CDH13: variants seen among roughly 807,000 people sequenced by gnomAD.
CDH13 encodes the protein cadherin-13.
CDH13 carries 24 observed loss-of-function variants against 63.8 expected under a neutral mutation model. That is an observed-to-expected ratio of 0.38 (90% confidence interval 0.27 to 0.53). The LOEUF (loss-of-function observed/expected upper bound fraction) is 0.53. Among genes scored for constraint, CDH13 ranks in the 20% least tolerant of loss-of-function variants. The probability of loss-of-function intolerance (pLI) is 0.85; values close to 1 mark genes in which losing one functional copy is unlikely to be tolerated. For missense variants in CDH13, 1,049 were observed against 903.1 expected, an observed-to-expected ratio of 1.16 and a Z score of -2.07; for synonymous variants, 503 against 355.3, an observed-to-expected ratio of 1.42 and a Z score of -4.67.
intron 10 of CDH13, among the ~76,000 whole-genome samples, chr16:83,730,289 C>A (rs117178900): frequency 0.04 from 6,136 of 152,314 alleles, 182 homozygotes; most frequent in Non-Finnish European, 0.059. Context: ...ATTAAAGGCT[C>A]TGAGAATTCT....
chr16:83,130,412 C>A, intron 4 of CDH13, among the ~76,000 whole-genome samples: 1 of 152,210 alleles, frequency 6.6e-6, no homozygotes, highest in East Asian at 1.9e-4. Context: ...TCTGAGAATA[C>A]TCTTCCGTGG....
chr16:82,933,909 C>T (rs983348768), intron 2 of CDH13, among the ~76,000 whole-genome samples: 14 of 152,206 alleles, frequency 9.2e-5, no homozygotes, highest in Admixed American at 9.2e-4. Context: ...GCAGCTTTGT[C>T]CCTGTGGCTT....
intron 1 of CDH13, among the ~76,000 whole-genome samples, chr16:82,749,542 A>C (rs764021136): frequency 1.7e-4 from 26 of 152,148 alleles, no homozygotes; most frequent in Non-Finnish European, 3.2e-4. Context: ...AGATACAAAA[A>C]CTCAATGTAA....
At chr16:83,792,739 G>A (rs1916357320) in intron 13 of CDH13, among the ~76,000 whole-genome samples, 1 of 151,652 alleles carries the variant, frequency 6.6e-6, no homozygotes, top group Admixed American at 6.6e-5. Context: ...CTACCACCCT[G>A]ACAACATCAA....
chr16:83,155,824 A>G (rs1230478312), intron 4 of CDH13, among the ~76,000 whole-genome samples: 1 of 152,202 alleles, frequency 6.6e-6, no homozygotes, highest in African/African-American at 2.4e-5. Context: ...TAAACACACA[A>G]TGCCACAAAC....
intron 1 of CDH13, among the ~76,000 whole-genome samples, chr16:82,762,043 T>A (rs1341097230): frequency 2.0e-5 from 3 of 152,130 alleles, no homozygotes; most frequent in Non-Finnish European, 4.4e-5. Flanking sequence ...ACAGACTGTG[T>A]CAAGTGGAGC....
At chr16:82,952,857 C>A (rs923942717) in intron 2 of CDH13, among the ~76,000 whole-genome samples, 1 of 152,158 alleles carries the variant, frequency 6.6e-6, no homozygotes, top group African/African-American at 2.4e-5. Context: ...ACCTCTGATT[C>A]CTCACTAGTG....
intron 6 of CDH13, among the ~76,000 whole-genome samples, chr16:83,449,954 C>A (rs970240289): frequency 4.6e-5 from 7 of 152,126 alleles, no homozygotes; most frequent in Non-Finnish European, 1.5e-5. Context: ...AGAAAAAGAG[C>A]ATTTGATGAC....
At chr16:83,591,794 C>G (rs1271012944) in intron 7 of CDH13, among the ~76,000 whole-genome samples, 1 of 152,222 alleles carries the variant, frequency 6.6e-6, no homozygotes, top group Non-Finnish European at 1.5e-5. Context: ...TCACCCAAGC[C>G]GTGGCTTCCT....
intron 3 of CDH13, among the ~76,000 whole-genome samples, chr16:83,043,487 ATGAGTGTGTGTGTG>A (rs549985983): frequency 0.04 from 5,267 of 133,334 alleles, 130 homozygotes; most frequent in Middle Eastern, 0.064. Context: ...AACTGTATAT[ATGAGTGTGTGTGTG>A]TGTGTGTGTG....
intron 10 of CDH13, among the ~76,000 whole-genome samples, chr16:83,707,677 T>C (rs1468134060): frequency 6.6e-6 from 1 of 151,976 alleles, no homozygotes; most frequent in Non-Finnish European, 1.5e-5. Flanking sequence ...ATCATATCCC[T>C]GACATGCCGC....
intron 4 of CDH13, among the ~76,000 whole-genome samples, chr16:83,156,184 A>G (rs1303499422): frequency 6.6e-6 from 1 of 152,220 alleles, no homozygotes; most frequent in Non-Finnish European, 1.5e-5. Flanking sequence ...ATTAAAGAAT[A>G]ACCAAACTCC....
intron 5 of CDH13, among the ~76,000 whole-genome samples, chr16:83,311,366 T>A (rs2089996651): frequency 6.6e-6 from 1 of 152,256 alleles, no homozygotes; most frequent in Admixed American, 6.5e-5. Context: ...GTTATATTTT[T>A]GTGTATACCA....
At chr16:83,540,687 A>G (rs1317431293) in intron 7 of CDH13, among the ~76,000 whole-genome samples, 1 of 152,186 alleles carries the variant, frequency 6.6e-6, no homozygotes, top group African/African-American at 2.4e-5. Flanking sequence ...TGTTGTCATG[A>G]TGGTCTCAAG....
chr16:82,894,139 A>G (rs1437967461), intron 2 of CDH13, among the ~76,000 whole-genome samples: 3 of 152,198 alleles, frequency 2.0e-5, no homozygotes, highest in East Asian at 3.8e-4. Flanking sequence ...TGATGAGTAC[A>G]TAGGACAGGC....
At chr16:83,306,302 G>A (rs1417969218) in intron 5 of CDH13, among the ~76,000 whole-genome samples, 2 of 152,348 alleles carry the variant, frequency 1.3e-5, no homozygotes, top group South Asian at 2.1e-4. Context: ...TGGATCCCCA[G>A]TGTGGGGGTG....
rs369881528 is a variant in CDH13, at chr16:82,633,657, C to T, written c.45+6520C>T. On this transcript the variant is annotated intron_variant, in intron 1 of 13. Transcript: ENST00000567109. Reference sequence around the variant, plus strand: ...CTCCCCAAGTGCTGGGATAAACAGACGTGAGCCACTGCGCCTGGCCAAGTA... The same window carrying T: ...CTCCCCAAGTGCTGGGATAAACAGATGTGAGCCACTGCGCCTGGCCAAGTA... Among the ~76,000 whole-genome samples, 34 of 152,298 alleles carry T rather than the reference C, an allele frequency of 2.2e-4. No homozygotes were observed. The East Asian group carries it at 4.8e-3, about 22-fold the overall frequency.
At chr16:83,074,145 C>A (rs1044502339) in intron 3 of CDH13, among the ~76,000 whole-genome samples, 1 of 152,190 alleles carries the variant, frequency 6.6e-6, no homozygotes, top group African/African-American at 2.4e-5. Flanking sequence ...CCCTCCCAGA[C>A]CGACAAACAT....
intron 2 of CDH13, among the ~76,000 whole-genome samples, chr16:83,028,275 T>G (rs1331274617): frequency 6.6e-6 from 1 of 152,206 alleles, no homozygotes; most frequent in Non-Finnish European, 1.5e-5. Context: ...TTCCAAAAAC[T>G]GAAACTAAGC....
Sources: gnomAD v4.1 joint callset for allele counts (sites outside exome capture counted in the v4.1 genomes callset) on GRCh38, gnomAD v4.1.1 for gene constraint, MANE v1.5 for transcripts, NCBI Gene and HGNC (gene_info 2026-07-23, HGNC 2026-07-21) for gene names.